The following NTNG1 variants were observed in gnomAD, a reference collection of about 807,000 sequenced individuals.
NTNG1 encodes netrin-G1.
Under a neutral mutation model 54.0 loss-of-function variants are expected in NTNG1, and 16 were observed. The observed-to-expected ratio is 0.30, with a 90% CI of 0.20 to 0.45. NTNG1 has a LOEUF of 0.45. NTNG1 is among the 20% of genes least tolerant of loss of function. The pLI, the probability that NTNG1 is intolerant of heterozygous loss-of-function variation, is 1.00. For synonymous variants in NTNG1, 255 were observed against 263.1 expected, an observed-to-expected ratio of 0.97 and a Z score of 0.30; for missense variants, 530 against 678.7, an observed-to-expected ratio of 0.78 and a Z score of 2.43.
chr1:107,142,136 G>A (rs1397851937), intron 1 of NTNG1, among the ~76,000 whole-genome samples: 1 of 151,900 alleles, frequency 6.6e-6, no homozygotes, highest in Non-Finnish European at 1.5e-5. Context: ...ATTCGGCTAG[G>A]GACACTGAAT....
intron 2 of NTNG1, among the ~76,000 whole-genome samples, chr1:107,270,187 A>G (rs1664046786): frequency 6.6e-6 from 1 of 152,228 alleles, no homozygotes; most frequent in African/African-American, 2.4e-5. Flanking sequence ...TGTGCTGTAT[A>G]TTCTTTTATT....
intron 3 of NTNG1, among the ~76,000 whole-genome samples, chr1:107,394,662 G>C (rs1672569116): frequency 6.6e-6 from 1 of 152,116 alleles, no homozygotes; most frequent in Non-Finnish European, 1.5e-5. Context: ...GGGTTTCTAA[G>C]AATAAGTCTG....
chr1:107,306,340 T>G (rs1380853434), intron 2 of NTNG1, among the ~76,000 whole-genome samples: 1 of 152,218 alleles, frequency 6.6e-6, no homozygotes, highest in African/African-American at 2.4e-5. Flanking sequence ...CAATGTGTAA[T>G]TTATACTTAC....
chr1:107,192,491 A>G (rs4408180), intron 2 of NTNG1, among the ~76,000 whole-genome samples: 121,702 of 151,900 alleles, frequency 0.8, 53,110 homozygotes, highest in East Asian at 0.99. Context: ...CACAATCTCA[A>G]CTGTTAGCCC....
intron 7 of NTNG1, among the ~76,000 whole-genome samples, chr1:107,437,408 G>A (rs1397861394): frequency 6.6e-6 from 1 of 152,156 alleles, no homozygotes; most frequent in Non-Finnish European, 1.5e-5. Flanking sequence ...AGATTACCAG[G>A]TCTTCAAAGC....
At position 107,213,536 on chromosome 1, in the gene NTNG1, C is replaced by G. The variant is rs373092862; in HGVS notation, c.246+64697C>G. On this transcript the variant is annotated intron_variant, in intron 2 of 7. Coordinates refer to ENST00000370068, the MANE Select transcript of NTNG1 (RefSeq NM_001113226.3). ...TACCTACTAAGCTCCCCAACCCATT[C>G]CCCCTCCCATTGCCCTCTCTGATTG... Among the ~76,000 whole-genome samples the G allele has an allele frequency of 5.3e-5, 8 of 152,124 alleles. No individual in the cohort carries two copies. The South Asian group carries it at 1.7e-3, about 32-fold the overall frequency.
intron 2 of NTNG1, among the ~76,000 whole-genome samples, chr1:107,194,870 C>CAA (rs1377047147): frequency 1.3e-5 from 2 of 151,898 alleles, no homozygotes; most frequent in Non-Finnish European, 2.9e-5. Flanking sequence ...ATATGGATTA[C>CAA]ACAGATTTTA....
chr1:107,349,374 T>G (rs2101953218), intron 3 of NTNG1, among the ~76,000 whole-genome samples: 1 of 152,312 alleles, frequency 6.6e-6, no homozygotes, highest in South Asian at 2.1e-4. Flanking sequence ...TATATGTAAT[T>G]TAAGTTATAT....
rs2587897 is a variant in NTNG1, at chr1:107,403,521, C to T, written c.1061-4161C>T. ...GGTCAGGAGTTCAGGACCAGCGTGG[C>T]CAGTACGGCAAAACCCCATCTCTAC... On this transcript the variant is annotated intron_variant, in intron 4 of 7. Coordinates refer to ENST00000370068, the MANE Select transcript of NTNG1 (RefSeq NM_001113226.3). 1,359 of 152,410 alleles carry T rather than the reference C, an allele frequency of 8.9e-3. 18 individuals are homozygous for T. The highest frequency in any genetic ancestry group is 0.027 in the African/African-American group (1,101 of 41,468). The allele number at this position is 152,410 out of a possible 1,614,324, so 9.4% of individuals were successfully genotyped here.
At chr1:107,462,803 TGTTG>T (rs1215648170) in intron 7 of NTNG1, among the ~76,000 whole-genome samples, 1 of 152,254 alleles carries the variant, frequency 6.6e-6, no homozygotes, top group Non-Finnish European at 1.5e-5. Flanking sequence ...GATTTTTATT[TGTTG>T]GTACCTATTC....
At chr1:107,175,739 A>G (rs1250847876) in intron 2 of NTNG1, among the ~76,000 whole-genome samples, 1 of 152,080 alleles carries the variant, frequency 6.6e-6, no homozygotes, top group Non-Finnish European at 1.5e-5. Flanking sequence ...GCACAGAGTG[A>G]ATTTTCTTGA....
intron 2 of NTNG1, among the ~76,000 whole-genome samples, chr1:107,181,963 TG>T (rs573040842): frequency 5.9e-4 from 90 of 152,214 alleles, no homozygotes; most frequent in African/African-American, 2.0e-3. Flanking sequence ...AATATTCCCC[TG>T]TTTTTTTTAT....
At chr1:107,465,935 T>TTG (rs1206854940) in intron 7 of NTNG1, among the ~76,000 whole-genome samples, 5 of 152,178 alleles carry the variant, frequency 3.3e-5, no homozygotes, top group East Asian at 1.9e-4. Context: ...TTAATTTTAA[T>TTG]TGTGTGTGTG....
intron 7 of NTNG1, among the ~76,000 whole-genome samples, chr1:107,457,104 A>G (rs1395450094): frequency 1.3e-5 from 2 of 152,236 alleles, no homozygotes; most frequent in Non-Finnish European, 1.5e-5. Flanking sequence ...TGCCTGGCCA[A>G]TGCAACCTTT....
chr1:107,163,504 T>A (rs891635520), intron 2 of NTNG1, among the ~76,000 whole-genome samples: 2 of 152,186 alleles, frequency 1.3e-5, no homozygotes, highest in African/African-American at 4.8e-5. Context: ...TTCCTATTAG[T>A]TTCCCTTTCT....
intron 3 of NTNG1, among the ~76,000 whole-genome samples, chr1:107,333,364 A>T (rs187493763): frequency 1.3e-5 from 2 of 151,928 alleles, no homozygotes; most frequent in Non-Finnish European, 2.9e-5. Context: ...CTCAGGATGT[A>T]CTCTTCAAAT....
At chr1:107,297,083 GAGGAC>G (rs1410976743) in intron 2 of NTNG1, among the ~76,000 whole-genome samples, 1 of 117,252 alleles carries the variant, frequency 8.5e-6, no homozygotes, top group African/African-American at 3.0e-5. Flanking sequence ...CTTTACAGAT[GAGGAC>G]ACACACACAC....
chr1:107,316,281 C>T (rs1184707333), intron 2 of NTNG1, among the ~76,000 whole-genome samples: 1 of 152,162 alleles, frequency 6.6e-6, no homozygotes, highest in Non-Finnish European at 1.5e-5. Flanking sequence ...GGAGACACCA[C>T]CCAGATGGCC....
chr1:107,403,929 A>G (rs1470858422), intron 4 of NTNG1, among the ~76,000 whole-genome samples: 1 of 151,844 alleles, frequency 6.6e-6, no homozygotes, highest in African/African-American at 2.4e-5. Flanking sequence ...CTCTTTCTGA[A>G]TTAACTTATC....
Sources: gnomAD v4.1 joint callset for allele counts (sites outside exome capture counted in the v4.1 genomes callset) on GRCh38, gnomAD v4.1.1 for gene constraint, MANE v1.5 for transcripts, NCBI Gene and HGNC (gene_info 2026-07-23, HGNC 2026-07-21) for gene names.